Variants in ZFYVE26 observed in about 807,000 individuals in gnomAD.
ZFYVE26 encodes the protein zinc finger FYVE-type containing 26, also known as zinc finger FYVE domain-containing protein 26.
A neutral mutation model predicts 276.5 loss-of-function variants in ZFYVE26; 181 were observed. The ratio of observed to expected loss-of-function variants is 0.65; its 90% CI spans 0.58 to 0.74. The LOEUF (loss-of-function observed/expected upper bound fraction) is 0.74, where lower values mean the gene tolerates loss of function less well. Among genes scored for constraint, ZFYVE26 ranks in the 30% least tolerant of loss-of-function variants. The pLI is 0.00. For synonymous variants in ZFYVE26, 1,129 were observed against 1,203.1 expected (o/e 0.94, Z 1.27); for missense variants, 2,821 against 3,097.9 (o/e 0.91, Z 2.12).
chr14:67,751,927 G>A (rs1008120350), intron 40 of ZFYVE26, among the ~76,000 whole-genome samples: 14 of 152,104 alleles, frequency 9.2e-5, no homozygotes, highest in African/African-American at 3.1e-4. Flanking sequence ...TAGGGAGAAG[G>A]AACAGTTCCC....
chr14:67,754,043 T>G, intron 38 of ZFYVE26, 28 bp downstream of exon 38: 1 of 1,614,180 alleles, frequency 6.2e-7, no homozygotes, highest in Admixed American at 1.7e-5. Context: ...GACAATAGTC[T>G]GCCAGAGGTC....
chr14:67,760,024 A>G lies in ZFYVE26; in HGVS notation c.6588+1342T>C, dbSNP rs1467801920. On this transcript the variant is annotated intron_variant, in intron 35 of 41. Coordinates refer to ENST00000347230, the MANE Select transcript of ZFYVE26 (RefSeq NM_015346.4). ...AAGATATTTCAGTTCAAGGGTAACT[A>G]TGATTACAGCAGAAAAAAAGAAGGC... 2.0e-5 allele frequency among the ~76,000 whole-genome samples: 3 copies of G among 152,280 alleles called. No individual in the cohort carries two copies. The East Asian group carries it at 5.8e-4, about 29-fold the overall frequency.
intron 41 of ZFYVE26, chr14:67,750,753 T>C: frequency 2.2e-6 from 1 of 463,904 alleles, no homozygotes; most frequent in South Asian, 2.1e-5. Context: ...AGGGATTTCC[T>C]AGGGCTCTCT....
intron 35 of ZFYVE26, 93 bp downstream of exon 35, chr14:67,761,273 G>T: frequency 1.7e-6 from 2 of 1,170,730 alleles, no homozygotes; most frequent in Non-Finnish European, 2.5e-6. Context: ...ACAGGGTTAA[G>T]TGTCAGGGGG....
At chr14:67,772,977 A>G (rs1021863022) in intron 27 of ZFYVE26, among the ~76,000 whole-genome samples, 1 of 152,154 alleles carries the variant, frequency 6.6e-6, no homozygotes, top group Non-Finnish European at 1.5e-5. Flanking sequence ...AAAGAAAAAA[A>G]GATTTAAGAG....
At chr14:67,750,929 T>C in intron 41 of ZFYVE26, 123 bp downstream of exon 41, 1 of 1,261,328 alleles carries the variant, frequency 7.9e-7, no homozygotes, top group Admixed American at 1.7e-5. Context: ...CCACCTCTGA[T>C]AATACAGAAG....
intron 14 of ZFYVE26, among the ~76,000 whole-genome samples, chr14:67,791,791 G>A (rs1273540378): frequency 6.9e-6 from 1 of 145,898 alleles, no homozygotes; most frequent in Non-Finnish European, 1.5e-5. Context: ...CTGGCGTGGT[G>A]GCTCGTGCCT....
At chr14:67,773,553 GCACACA>G (rs150277930) in intron 27 of ZFYVE26, among the ~76,000 whole-genome samples, 1 of 136,966 alleles carries the variant, frequency 7.3e-6, no homozygotes, top group Non-Finnish European at 1.5e-5. Context: ...AAAAAAAGGC[GCACACA>G]CACACACACA....
chr14:67,742,635 T>C (rs1319741857), downstream of ZFYVE26, among the ~76,000 whole-genome samples: 1 of 152,078 alleles, frequency 6.6e-6, no homozygotes. Context: ...TGAACTACAG[T>C]GATGAAGTGG....
chr14:67,733,472 T>C (rs957105195), intron 13 of ZFYVE26, among the ~76,000 whole-genome samples: 15 of 152,228 alleles, frequency 9.9e-5, no homozygotes, highest in Non-Finnish European at 2.1e-4. Flanking sequence ...TATCCTAGAA[T>C]GTCACTTCTG....
chr14:67,796,876 C>G (rs2039964114), intron 12 of ZFYVE26: 1 of 152,112 alleles, frequency 6.6e-6, no homozygotes, highest in African/African-American at 2.4e-5. Flanking sequence ...TGCTTGAACC[C>G]AGGAGGCAGA....
rs569117253 is a variant in ZFYVE26, at chr14:67,756,587, G to GA, written c.6589-443dup. ...TGAAAAGCCTTTTAAAAATAATTGA[G>GA]AAAAAACTCTCCTCAGTTGGCCTCC... On this transcript the variant is annotated intron_variant, in intron 35 of 41. Transcript: ENST00000347230. 2.6e-5 allele frequency among the ~76,000 whole-genome samples: 4 copies of GA among 152,242 alleles called. No individual in the cohort carries two copies. The South Asian group carries it at 8.3e-4, about 32-fold the overall frequency.
intron 35 of ZFYVE26, 36 bp from the exon 36 acceptor site, chr14:67,756,181 A>G (rs780476430): frequency 1.2e-6 from 2 of 1,609,918 alleles, no homozygotes; most frequent in Non-Finnish European, 1.7e-6. Context: ...AGAAGTCTTG[A>G]GCCTGGTTCT....
intron 37 of ZFYVE26, 63 bp downstream of exon 37, chr14:67,754,988 C>A: frequency 6.4e-7 from 1 of 1,564,860 alleles, no homozygotes; most frequent in Non-Finnish European, 8.8e-7. Flanking sequence ...AGCTTCATCA[C>A]CTACAGACAA....
intron 14 of ZFYVE26, among the ~76,000 whole-genome samples, chr14:67,793,146 G>T (rs2039863665): frequency 6.6e-6 from 1 of 150,922 alleles, no homozygotes; most frequent in South Asian, 2.1e-4. Flanking sequence ...AATCCCAGCT[G>T]CTTGGGAGGC....
intron 31 of ZFYVE26, 41 bp downstream of exon 31, chr14:67,767,663 A>G (rs371469667): frequency 6.2e-7 from 1 of 1,613,908 alleles, no homozygotes. Flanking sequence ...GCTACACATC[A>G]TAAAGAAACT....
At chr14:67,751,455 A>G (rs1190544060) in intron 40 of ZFYVE26, 3 of 354,060 alleles carry the variant, frequency 8.5e-6, no homozygotes, top group Non-Finnish European at 1.6e-5. Context: ...AGCGTAATAC[A>G]CTATAGTCCA....
chr14:67,731,347 TG>T (rs923270232), intron 13 of ZFYVE26, among the ~76,000 whole-genome samples: 1 of 151,518 alleles, frequency 6.6e-6, no homozygotes, highest in Admixed American at 6.6e-5. Context: ...CCCGAGTAGC[TG>T]GGATTACAGG....
intron 14 of ZFYVE26, 108 bp downstream of exon 14, chr14:67,793,500 G>T: frequency 7.8e-7 from 1 of 1,283,298 alleles, no homozygotes; most frequent in Non-Finnish European, 1.1e-6. Flanking sequence ...TGCTTCTTCT[G>T]CTTGATGTGG....
Sources: allele counts gnomAD v4.1 joint callset (sites outside exome capture counted in the v4.1 genomes callset), GRCh38; gene constraint gnomAD v4.1.1; transcripts MANE v1.5; gene names NCBI Gene and HGNC (gene_info 2026-07-23, HGNC 2026-07-21).